Variants in SETD5 observed in about 807,000 individuals in gnomAD.
SETD5 encodes histone-lysine N-methyltransferase SETD5.
SETD5 carries 44 observed loss-of-function variants against 153.3 expected under a neutral mutation model. The ratio of observed to expected loss-of-function variants is 0.29; its 90% CI spans 0.23 to 0.37. The LOEUF is 0.37. Ranked by LOEUF, SETD5 falls within the 10% of genes least tolerant of loss-of-function variation. The pLI, the probability that SETD5 is intolerant of heterozygous loss-of-function variation, is 1.00. For missense variants in SETD5, 1,544 were observed against 1,768.0 expected (o/e 0.87, Z 2.27); for synonymous variants, 716 against 645.2 (o/e 1.11, Z -1.66).
At chr3:9,452,398 A>G (rs2042721024) in intron 16 of SETD5, among the ~76,000 whole-genome samples, 1 of 152,212 alleles carries the variant, frequency 6.6e-6, no homozygotes, top group Non-Finnish European at 1.5e-5. Flanking sequence ...TCTAAGCTTT[A>G]AGGCTATATG....
At chr3:9,457,195 A>C (rs1169982779) in intron 17 of SETD5, among the ~76,000 whole-genome samples, 1 of 152,058 alleles carries the variant, frequency 6.6e-6, no homozygotes, top group Non-Finnish European at 1.5e-5. Flanking sequence ...TAGAATTAAT[A>C]ATAAGAGTTT....
At chr3:9,409,434 A>G (rs2036218783) in intron 1 of SETD5, among the ~76,000 whole-genome samples, 1 of 152,152 alleles carries the variant, frequency 6.6e-6, no homozygotes, top group African/African-American at 2.4e-5. Flanking sequence ...AACATGTTTG[A>G]TATGTTACAG....
intron 18 of SETD5, among the ~76,000 whole-genome samples, chr3:9,465,127 T>A (rs574079259): frequency 6.6e-6 from 1 of 152,214 alleles, no homozygotes; most frequent in Non-Finnish European, 1.5e-5. Flanking sequence ...GGTATTTTCA[T>A]TGTGGCCTTA....
At chr3:9,456,128 C>A (rs563719522) in intron 17 of SETD5, among the ~76,000 whole-genome samples, 3 of 152,086 alleles carry the variant, frequency 2.0e-5, no homozygotes, top group Non-Finnish European at 4.4e-5. Context: ...AAAAATCAAA[C>A]AGACCTTTAC....
intron 3 of SETD5, chr3:9,430,889 T>G: frequency 1.0e-6 from 1 of 985,462 alleles, no homozygotes. Context: ...CCTGAAACAT[T>G]TTCATTCATG....
At chr3:9,438,932 A>G (rs1253427752) in intron 7 of SETD5, among the ~76,000 whole-genome samples, 1 of 152,166 alleles carries the variant, frequency 6.6e-6, no homozygotes, top group Non-Finnish European at 1.5e-5. Flanking sequence ...GAGAACCACT[A>G]CTCTAAACCC....
chr3:9,447,121 G>A lies in SETD5; in HGVS notation c.1596G>A (p.Arg532=). The A allele has an allele frequency of 1.2e-6, 2 of 1,613,950 alleles. No individual in the cohort carries two copies. The highest frequency in any genetic ancestry group is 1.7e-6 in the Non-Finnish European group (2 of 1,179,880). ...FENLEKRKKR[R]DQPLEQSNSD... ...ACTTAGAGAAAAGAAAGAAGCGGCG[G>A]GATCAGCCCTTGGAACAGAGCAACT... Residue 532 remains arginine, a synonymous_variant, in exon 14 of 23, where the codon CGG becomes CGA. Coordinates refer to ENST00000402198, the MANE Select transcript of SETD5 (RefSeq NM_001080517.3).
At chr3:9,418,552 A>G (rs758470557) in intron 1 of SETD5, among the ~76,000 whole-genome samples, 24 of 152,194 alleles carry the variant, frequency 1.6e-4, no homozygotes, top group Non-Finnish European at 2.6e-4. Flanking sequence ...TAGTCTTAAA[A>G]GTGAATCACA....
chr3:9,470,450 T>C lies in SETD5; in HGVS notation c.2725-9T>C. 6.2e-7 allele frequency: 1 copy of C among 1,603,306 alleles called. No homozygotes were observed. Among genetic ancestry groups the C allele is most frequent in the Non-Finnish European group, 8.5e-7 (1 of 1,172,508 alleles). ...TACCCCATGTCTCCGTTGATTTTTA[T>C]TCTTTCAGCTTTGTCACCGAAAAGA... is the stretch of plus-strand genomic sequence containing the variant. On this transcript the variant is annotated splice_polypyrimidine_tract_variant and intron_variant, in intron 18 of 22. Transcript: ENST00000402198.
intron 1 of SETD5, among the ~76,000 whole-genome samples, chr3:9,409,153 A>G (rs2036172686): frequency 6.6e-6 from 1 of 152,198 alleles, no homozygotes; most frequent in South Asian, 2.1e-4. Flanking sequence ...AGAGGACTTC[A>G]GGCATTCTCA....
At chr3:9,407,371 C>T (rs6443238) in intron 1 of SETD5, among the ~76,000 whole-genome samples, 12,092 of 152,050 alleles carry the variant, frequency 0.08, 1,608 homozygotes, top group African/African-American at 0.28. Flanking sequence ...GCCACTCTTA[C>T]TTAAACCCTA....
At chr3:9,409,322 T>C (rs1006422882) in intron 1 of SETD5, among the ~76,000 whole-genome samples, 1 of 152,278 alleles carries the variant, frequency 6.6e-6, no homozygotes, top group African/African-American at 2.4e-5. Context: ...AGCACTTGGG[T>C]TTTTTACCCC....
intron 21 of SETD5, 77 bp from the exon 22 acceptor site, chr3:9,474,991 A>AT: frequency 7.5e-7 from 1 of 1,336,872 alleles, no homozygotes; most frequent in Non-Finnish European, 1.0e-6. Flanking sequence ...GGCACTGGTG[A>AT]TTTAAATGAA....
intron 1 of SETD5, among the ~76,000 whole-genome samples, chr3:9,412,901 CATACTTT>C (rs1395617402): frequency 6.6e-6 from 1 of 151,548 alleles, no homozygotes; most frequent in Non-Finnish European, 1.5e-5. Context: ...ATTTTACTTT[CATACTTT>C]ATTTGAAACA....
At chr3:9,405,691 T>C (rs998872048) in intron 1 of SETD5, among the ~76,000 whole-genome samples, 2 of 152,232 alleles carry the variant, frequency 1.3e-5, no homozygotes, top group Admixed American at 1.3e-4. Flanking sequence ...AGTTTGAATC[T>C]GGTTTCCAGT....
chr3:9,455,011 G>A (rs1282978115), intron 17 of SETD5, among the ~76,000 whole-genome samples: 2 of 152,046 alleles, frequency 1.3e-5, no homozygotes, highest in Non-Finnish European at 2.9e-5. Context: ...CCAACTTGCT[G>A]AATAAATGTA....
intron 3 of SETD5, chr3:9,430,810 A>T (rs1366457988): frequency 1.1e-5 from 11 of 985,238 alleles, no homozygotes; most frequent in Non-Finnish European, 1.3e-5. Flanking sequence ...TAATTCCAGA[A>T]ATAAAAATAC....
chr3:9,430,901 T>C lies in SETD5; in HGVS notation c.71+1892T>C, dbSNP rs957046409. On this transcript the variant is annotated intron_variant, in intron 3 of 22. Coordinates refer to ENST00000402198, the MANE Select transcript of SETD5 (RefSeq NM_001080517.3). ...TTTCCTGAAACATTTTCATTCATGA[T>C]CTCCAGACAGATTTGTGATACTGTG... The C allele has an allele frequency of 4.4e-5, 43 of 985,404 alleles. No individual in the cohort carries two copies. The African/African-American group carries it at 7.3e-4, about 17-fold the overall frequency. The allele number at this position is 985,404 out of a possible 1,614,324, so 61.0% of individuals were successfully genotyped here.
chr3:9,433,925 A>T lies in SETD5; in HGVS notation c.152A>T (p.His51Leu). ...STHNYGTTQR[H>L]GCRGLPYATI... Reference sequence around the variant, plus strand: ...CATAATTATGGGACCACTCAGAGGCATGGGTGTCGAGGACTGCCTTATGCT... The same window carrying T: ...CATAATTATGGGACCACTCAGAGGCTTGGGTGTCGAGGACTGCCTTATGCT... The change falls in exon 4 of 23, where the codon CAT becomes CTT. Residue 51 changes from histidine (H) to leucine (L), a missense_variant. Coordinates refer to ENST00000402198, the MANE Select transcript of SETD5 (RefSeq NM_001080517.3). The T allele has an allele frequency of 6.2e-7, 1 of 1,613,932 alleles. No homozygotes were observed.
Sources: allele counts gnomAD v4.1 joint callset (sites outside exome capture counted in the v4.1 genomes callset), GRCh38; gene constraint gnomAD v4.1.1; transcripts MANE v1.5; gene names NCBI Gene and HGNC (gene_info 2026-07-23, HGNC 2026-07-21).